Variants in ZNF469 observed in about 807,000 individuals in gnomAD.
ZNF469 encodes the protein zinc finger protein 469.
ZNF469 carries 1 observed loss-of-function variant against 1.0 expected under a neutral mutation model. The ratio of observed to expected loss-of-function variants is 1.00; its 90% confidence interval spans 0.35 to 4.73. The LOEUF (loss-of-function observed/expected upper bound fraction) is 4.73. Ranked by LOEUF, ZNF469 falls within the 30% of genes most tolerant of loss-of-function variation. The pLI is 0.16. For missense variants in ZNF469, 6,100 were observed against 5,356.3 expected (o/e 1.14, Z -4.33); for synonymous variants, 2,703 against 2,363.4 (o/e 1.14, Z -4.17).
the ZNF469 span, among the ~76,000 whole-genome samples, chr16:88,188,843 C>G: frequency 6.6e-6 from 1 of 152,268 alleles, no homozygotes; most frequent in South Asian, 2.1e-4. Flanking sequence ...GTTTGAGGAG[C>G]ACAGCCTTAG....
At chr16:88,352,520 G>A in the ZNF469 span, among the ~76,000 whole-genome samples, 3 of 152,248 alleles carry the variant, frequency 2.0e-5, no homozygotes, top group Non-Finnish European at 4.4e-5. Context: ...TCAGCACCAG[G>A]CCACTGGGCT....
At chr16:88,391,215 G>A (rs368934151) in intron 1 of ZNF469, among the ~76,000 whole-genome samples, 55 of 152,254 alleles carry the variant, frequency 3.6e-4, no homozygotes, top group African/African-American at 1.2e-3. Context: ...CAATGGTGCT[G>A]AGGCAGCACA....
chr16:88,132,763 G>C, the ZNF469 span, among the ~76,000 whole-genome samples: 1 of 152,190 alleles, frequency 6.6e-6, no homozygotes, highest in African/African-American at 2.4e-5. Flanking sequence ...CTGGGGCAGT[G>C]GCCCTCTGCC....
At chr16:88,130,305 G>C in the ZNF469 span, among the ~76,000 whole-genome samples, 1 of 152,106 alleles carries the variant, frequency 6.6e-6, no homozygotes, top group Non-Finnish European at 1.5e-5. Context: ...GCACGCCGCA[G>C]ACAGCCGGTA....
the ZNF469 span, among the ~76,000 whole-genome samples, chr16:88,260,430 C>A: frequency 6.6e-6 from 1 of 152,218 alleles, no homozygotes; most frequent in Non-Finnish European, 1.5e-5. The surrounding 1 kb of genome is among the most constrained non-coding windows in gnomAD (Gnocchi z 4.1). Context: ...GCATCTCCGG[C>A]CGTCAGTCCT....
intron 1 of ZNF469, among the ~76,000 whole-genome samples, chr16:88,388,190 G>A (rs941420838): frequency 2.6e-5 from 4 of 152,246 alleles, no homozygotes; most frequent in African/African-American, 4.8e-5. Flanking sequence ...AGCCCCGGCC[G>A]AGGGAGCTGT....
At chr16:88,235,800 G>T in the ZNF469 span, among the ~76,000 whole-genome samples, 7 of 152,348 alleles carry the variant, frequency 4.6e-5, no homozygotes, top group African/African-American at 1.7e-4. Flanking sequence ...CAGCTCCAGG[G>T]GGTCCTGAGG....
chr16:88,393,827 G>A (rs11865387), intron 1 of ZNF469, among the ~76,000 whole-genome samples: 37,654 of 152,200 alleles, frequency 0.25, 5,114 homozygotes, highest in African/African-American at 0.36. Context: ...TGGGGCGGAC[G>A]CTGCCCCACC....
chr16:88,109,581 A>G, the ZNF469 span, among the ~76,000 whole-genome samples: 490 of 101,300 alleles, frequency 4.8e-3, no homozygotes, highest in African/African-American at 0.017. Flanking sequence ...TCTCCTCTCC[A>G]GGATCAGGAG....
the ZNF469 span, among the ~76,000 whole-genome samples, chr16:88,315,555 G>A: frequency 1.3e-5 from 2 of 152,198 alleles, no homozygotes; most frequent in Non-Finnish European, 2.9e-5. Flanking sequence ...GCGTGGCCAG[G>A]TGACTTTGCA....
At chr16:88,228,263 C>T in the ZNF469 span, among the ~76,000 whole-genome samples, 2 of 152,240 alleles carry the variant, frequency 1.3e-5, no homozygotes, top group Non-Finnish European at 2.9e-5. Context: ...CTGCCGGCTT[C>T]GCAGGCTCCG....
At chr16:88,410,712 C>T (rs1384899205) in intron 1 of ZNF469, among the ~76,000 whole-genome samples, 1 of 147,282 alleles carries the variant, frequency 6.8e-6, no homozygotes, top group Non-Finnish European at 1.5e-5. Context: ...TTCACGGTGA[C>T]GTCTATGATG....
chr16:88,325,724 G>T, the ZNF469 span, among the ~76,000 whole-genome samples: 1 of 152,204 alleles, frequency 6.6e-6, no homozygotes, highest in African/African-American at 2.4e-5. Context: ...GTCTGCAGTG[G>T]GGCCAGGACA....
At chr16:88,162,877 G>C in the ZNF469 span, among the ~76,000 whole-genome samples, 1 of 152,342 alleles carries the variant, frequency 6.6e-6, no homozygotes, top group Non-Finnish European at 1.5e-5. Flanking sequence ...CCTACTCCAA[G>C]CTGGGTATTA....
chr16:88,136,139 C>T, the ZNF469 span, among the ~76,000 whole-genome samples: 1 of 152,178 alleles, frequency 6.6e-6, no homozygotes, highest in African/African-American at 2.4e-5. Flanking sequence ...TATGAACGTG[C>T]AGCTGGACAG....
the ZNF469 span, among the ~76,000 whole-genome samples, chr16:88,295,991 G>C: frequency 1.3e-5 from 2 of 152,206 alleles, no homozygotes; most frequent in South Asian, 2.1e-4. Flanking sequence ...GCCATCCCTG[G>C]GGCAGCGCCT....
Position 88,433,733 on chromosome 16 carries a change from C to T in ZNF469, c.6263C>T (p.Ser2088Phe), listed in dbSNP as rs1468047251. 3 of 1,548,830 alleles carry T rather than the reference C, an allele frequency of 1.9e-6. No homozygotes were observed. Among genetic ancestry groups the T allele is most frequent in the Non-Finnish European group, 2.6e-6 (3 of 1,146,780 alleles). Reference sequence around the variant, plus strand: ...GAGGGCCGGACTCCAGAGAGGGCGTCCAGCCCCGGCCTGAACAAGCCACTG... The same window carrying T: ...GAGGGCCGGACTCCAGAGAGGGCGTTCAGCCCCGGCCTGAACAAGCCACTG... ...GSEGRTPERA[S>F]SPGLNKPLLA... The change falls in exon 3 of 3, where the codon TCC becomes TTC. Residue 2088 changes from serine (S) to phenylalanine (F), a missense_variant. Ser to Phe is a radical substitution (Grantham distance 155, BLOSUM62 -2). Coordinates refer to ENST00000565624, the MANE Select transcript of ZNF469 (RefSeq NM_001367624.2).
the ZNF469 span, among the ~76,000 whole-genome samples, chr16:88,165,863 C>A: frequency 1.3e-4 from 20 of 152,332 alleles, no homozygotes; most frequent in African/African-American, 4.8e-4. Context: ...AAGTGGGATC[C>A]TGCGGCATTT....
Position 88,435,245 on chromosome 16 carries a change from C to T in ZNF469, c.7775C>T (p.Pro2592Leu), listed in dbSNP as rs1906486689. Residue 2592 changes from proline (P) to leucine (L), a missense_variant, in exon 3 of 3, where the codon CCC becomes CTC. Transcript: ENST00000565624. ...GATGTGAAGACTCCGGCCTCCAAGC[C>T]CAGACCAGACCAGGCCAGGGAAGAT... ...EVDVKTPASK[P>L]RPDQAREDEL... is the part of the protein sequence containing the mutation. 2.6e-6 allele frequency: 4 copies of T among 1,550,242 alleles called. No homozygotes were observed. In the African/African-American group the frequency reaches 4.1e-5, roughly 16 times the overall value.
Sources: gnomAD v4.1 joint callset for allele counts (sites outside exome capture counted in the v4.1 genomes callset) on GRCh38, gnomAD v4.1.1 for gene constraint, Gnocchi (gnomAD v3.1) non-coding constraint, MANE v1.5 for transcripts, NCBI Gene and HGNC (gene_info 2026-07-23, HGNC 2026-07-21) for gene names.